Variants in SBF2 observed in about 807,000 individuals in gnomAD.
SBF2 encodes the protein SET binding factor 2.
Under a neutral mutation model 225.2 loss-of-function variants are expected in SBF2, and 112 were observed. The observed-to-expected ratio is 0.50, with a 90% CI of 0.43 to 0.58. The LOEUF is 0.58. Among genes scored for constraint, SBF2 ranks in the 20% least tolerant of loss-of-function variants. SBF2 has a pLI of 0.00. For synonymous variants in SBF2, 763 were observed against 773.3 expected (o/e 0.99, Z 0.22); for missense variants, 1,996 against 2,206.2 (o/e 0.90, Z 1.91).
chr11:9,883,503 C>G (rs1860000250), intron 17 of SBF2, among the ~76,000 whole-genome samples: 1 of 152,096 alleles, frequency 6.6e-6, no homozygotes. Flanking sequence ...GACTAACTCT[C>G]AAGGTTATGA....
At chr11:10,173,163 T>C (rs1956282471) in intron 2 of SBF2, among the ~76,000 whole-genome samples, 1 of 152,226 alleles carries the variant, frequency 6.6e-6, no homozygotes, top group Non-Finnish European at 1.5e-5. Context: ...GGAGCCAAGA[T>C]GGCCGAATAG....
intron 17 of SBF2, among the ~76,000 whole-genome samples, chr11:9,878,568 C>T (rs986854604): frequency 2.6e-5 from 4 of 152,158 alleles, no homozygotes; most frequent in African/African-American, 9.7e-5. Flanking sequence ...TAGTCTGTCT[C>T]TTAATAGCCT....
intron 16 of SBF2, among the ~76,000 whole-genome samples, chr11:9,938,269 C>T (rs954252774): frequency 4.1e-5 from 6 of 146,862 alleles, no homozygotes; most frequent in Non-Finnish European, 7.5e-5. Flanking sequence ...CCAGCCTGGG[C>T]GACACAGCGA....
At chr11:10,001,051 A>G (rs371968546) in intron 7 of SBF2, 29 bp from the exon 8 acceptor site, 1 of 1,184,026 alleles carries the variant, frequency 8.4e-7, no homozygotes, top group Non-Finnish European at 1.3e-6. Context: ...TGCGTCAAAT[A>G]TATTTTTCTT....
chr11:9,835,631 C>CAAAAA (rs58436467), intron 26 of SBF2, among the ~76,000 whole-genome samples: 5 of 62,136 alleles, frequency 8.0e-5, no homozygotes, highest in African/African-American at 1.9e-4. Context: ...GACCTTGTCT[C>CAAAAA]AAAAAAAAAA....
At chr11:10,026,330 C>A (rs2134618145) in intron 6 of SBF2, among the ~76,000 whole-genome samples, 1 of 152,224 alleles carries the variant, frequency 6.6e-6, no homozygotes, top group African/African-American at 2.4e-5. Flanking sequence ...GGTATACAAC[C>A]TTTTTTAAAG....
At chr11:9,912,037 C>G (rs1862665074) in intron 16 of SBF2, among the ~76,000 whole-genome samples, 1 of 152,232 alleles carries the variant, frequency 6.6e-6, no homozygotes, top group Non-Finnish European at 1.5e-5. Context: ...TATTTTTTAG[C>G]TGGGTGCGGT....
At chr11:9,987,936 A>C (rs1181150142) in intron 13 of SBF2, among the ~76,000 whole-genome samples, 1 of 152,204 alleles carries the variant, frequency 6.6e-6, no homozygotes, top group African/African-American at 2.4e-5. Flanking sequence ...TTCATATGGA[A>C]CTAAAAAAGA....
At chr11:10,194,397 A>C (rs926258853) in intron 1 of SBF2, among the ~76,000 whole-genome samples, 3 of 152,198 alleles carry the variant, frequency 2.0e-5, no homozygotes, top group Admixed American at 1.3e-4. Flanking sequence ...ATACTACACC[A>C]TTTTATATAA....
At position 9,852,083 on chromosome 11, in the gene SBF2, T is replaced by C. The variant is rs145300646; in HGVS notation, c.2610+593A>G. The stretch of plus-strand genomic sequence containing the variant: ...AGCCATGGCTCCTGGCCTCAATTTG[T>C]TTTTGTTCTATTATAAAGTTCTGTT... On this transcript the variant is annotated intron_variant, in intron 21 of 39. Transcript: ENST00000256190. Among the ~76,000 whole-genome samples the C allele has an allele frequency of 6.2e-3, 950 of 152,292 alleles. 17 individuals are homozygous for C. Among genetic ancestry groups the C allele is most frequent in the African/African-American group, 0.022 (906 of 41,556 alleles).
intron 28 of SBF2, among the ~76,000 whole-genome samples, chr11:9,827,545 A>G (rs1855142031): frequency 6.6e-6 from 1 of 152,176 alleles, no homozygotes. Context: ...AAAAAAAAAA[A>G]AAAGAATCTG....
At position 9,839,798 on chromosome 11, in the gene SBF2, T is replaced by C. The variant is rs962836784; in HGVS notation, c.3257-102A>G. 1.6e-5 allele frequency: 20 copies of C among 1,254,480 alleles called. 1 individual carries two copies. The highest frequency in any genetic ancestry group is 2.4e-5 in the South Asian group (2 of 83,266). The allele number at this position is 1,254,480 out of a possible 1,614,324, so 77.7% of individuals were successfully genotyped here. On this transcript the variant is annotated intron_variant, in intron 25 of 39. Transcript: ENST00000256190. The stretch of plus-strand genomic sequence containing the variant: ...AGCTCACTCTCATCTGAAACTGTGA[T>C]GGTAGAGACAGATATCAAAGAAATG...
chr11:9,877,956 C>G (rs1859411681), intron 17 of SBF2, among the ~76,000 whole-genome samples: 1 of 152,140 alleles, frequency 6.6e-6, no homozygotes, highest in African/African-American at 2.4e-5. Context: ...GTTCTAGATC[C>G]CTAAGGAATC....
rs190666881 is a variant in SBF2 at position 10,251,058 on chromosome 11, T to C, written c.55+42957A>G. On this transcript the variant is annotated intron_variant, in intron 1 of 39. Coordinates refer to ENST00000256190, the MANE Select transcript of SBF2 (RefSeq NM_030962.4). Reference sequence around the variant, plus strand: ...ATGAACAATAGAAATGTAAAGGGGGTCTATTACGTGCACTTATAGGGTATA... The same window carrying C: ...ATGAACAATAGAAATGTAAAGGGGGCCTATTACGTGCACTTATAGGGTATA... 4.9e-4 allele frequency among the ~76,000 whole-genome samples: 74 copies of C among 152,300 alleles called. No individual in the cohort carries two copies. In the East Asian group the frequency reaches 0.012, roughly 25 times the overall value.
chr11:10,147,212 TAG>T (rs1338206823), intron 2 of SBF2, among the ~76,000 whole-genome samples: 65 of 152,188 alleles, frequency 4.3e-4, no homozygotes, highest in African/African-American at 1.5e-3. Context: ...GCGATCCCAT[TAG>T]TGGGTATATA....
intron 21 of SBF2, among the ~76,000 whole-genome samples, chr11:9,851,358 T>G (rs994391839): frequency 3.3e-5 from 5 of 152,198 alleles, no homozygotes; most frequent in African/African-American, 9.7e-5. Context: ...ACAATGTGTA[T>G]TTCTTTTATG....
rs143721782 is a variant in SBF2 at position 10,193,789 on chromosome 11, T to C, written c.141+113A>G. ...TAACTATTTCTAGTACTGTAATATC[T>C]TACAATTAAATTATCAAATTATTTA... On this transcript the variant is annotated intron_variant, in intron 2 of 39. Coordinates refer to ENST00000256190, the MANE Select transcript of SBF2 (RefSeq NM_030962.4). 3.2e-3 allele frequency: 2,555 copies of C among 788,852 alleles called. 11 individuals carry two copies. The highest frequency in any genetic ancestry group is 0.019 in the Middle Eastern group (82 of 4,414). 48.9% of individuals were successfully genotyped at this position (788,852 alleles called of 1,614,324 possible).
At chr11:10,211,055 T>G (rs12282974) in intron 1 of SBF2, among the ~76,000 whole-genome samples, 13,640 of 124,980 alleles carry the variant, frequency 0.11, 926 homozygotes, top group East Asian at 0.3. Flanking sequence ...GCTTGCTCAA[T>G]GTACATGTGT....
chr11:9,809,013 G>C lies in SBF2; in HGVS notation c.4156-11C>G. 6.2e-7 allele frequency: 1 copy of C among 1,606,496 alleles called. No homozygotes were observed. The highest frequency in any genetic ancestry group is 8.5e-7 in the Non-Finnish European group (1 of 1,173,140). On this transcript the variant is annotated splice_polypyrimidine_tract_variant and intron_variant, in intron 30 of 39. Coordinates refer to ENST00000256190, the MANE Select transcript of SBF2 (RefSeq NM_030962.4). ...CATTATCCTGTGAAGCTAAGAGACAGGAAGGAGAACACAATTAGACCAAGC... is the reference window on the plus strand; with the variant it reads ...CATTATCCTGTGAAGCTAAGAGACACGAAGGAGAACACAATTAGACCAAGC...
Sources: allele counts gnomAD v4.1 joint callset (sites outside exome capture counted in the v4.1 genomes callset), GRCh38; gene constraint gnomAD v4.1.1; transcripts MANE v1.5; gene names NCBI Gene and HGNC (gene_info 2026-07-23, HGNC 2026-07-21).